LSAMP: variants seen among roughly 807,000 people sequenced by gnomAD.
LSAMP encodes limbic system-associated membrane protein.
Under a neutral mutation model 38.6 loss-of-function variants are expected in LSAMP, and 7 were observed. That is an observed-to-expected ratio of 0.18 (90% CI 0.10 to 0.34). The LOEUF is 0.34. Ranked by LOEUF, LSAMP falls within the 10% of genes least tolerant of loss-of-function variation. LSAMP has a pLI of 1.00. For missense variants in LSAMP, 313 were observed against 420.0 expected, an observed-to-expected ratio of 0.75 and a Z score of 2.23; for synonymous variants, 154 against 166.8, an observed-to-expected ratio of 0.92 and a Z score of 0.59.
At chr3:116,150,017 C>G (rs1463040051) in intron 1 of LSAMP, among the ~76,000 whole-genome samples, 1 of 151,994 alleles carries the variant, frequency 6.6e-6, no homozygotes, top group Non-Finnish European at 1.5e-5. Context: ...CTGCAAATAA[C>G]AAGTTCAATT....
At position 115,816,485 on chromosome 3, in the gene LSAMP, G is replaced by A. The variant is rs1934022084; in HGVS notation, c.920-6071C>T. 8.2e-6 allele frequency: 4 copies of A among 487,252 alleles called. No individual in the cohort carries two copies. In the Admixed American group the frequency reaches 1.4e-4, roughly 17 times the overall value. 30.2% of individuals were successfully genotyped at this position (487,252 alleles called of 1,614,324 possible). The stretch of plus-strand genomic sequence containing the variant: ...AAAAGTTCACAATTTGGAAAAAACA[G>A]TGCTAGATGTGTTATGGAAATTGTT... On this transcript the variant is annotated intron_variant, in intron 6 of 6. Coordinates refer to ENST00000490035, the MANE Select transcript of LSAMP (RefSeq NM_002338.5).
At chr3:116,193,773 A>C (rs1204781476) in intron 1 of LSAMP, among the ~76,000 whole-genome samples, 1 of 152,216 alleles carries the variant, frequency 6.6e-6, no homozygotes, top group Non-Finnish European at 1.5e-5. Flanking sequence ...CTATGTAACT[A>C]AATAAAACAT....
chr3:115,856,580 C>T (rs1935515124), intron 3 of LSAMP, among the ~76,000 whole-genome samples: 1 of 151,304 alleles, frequency 6.6e-6, no homozygotes, highest in African/African-American at 2.4e-5. Flanking sequence ...GATCGAGCCA[C>T]TGCACTCCAG....
intron 3 of LSAMP, among the ~76,000 whole-genome samples, chr3:115,949,782 G>GA (rs540641796): frequency 6.2e-4 from 88 of 140,828 alleles, no homozygotes; most frequent in Middle Eastern, 3.6e-3. Flanking sequence ...ACATAACAAA[G>GA]AAAAAAAAAA....
At chr3:116,413,447 A>C (rs546392122) in intron 1 of LSAMP, among the ~76,000 whole-genome samples, 19 of 151,998 alleles carry the variant, frequency 1.3e-4, no homozygotes, top group Non-Finnish European at 2.8e-4. Flanking sequence ...ATAATCCTTA[A>C]AATATTTATA....
chr3:115,888,071 G>A (rs1057149756), intron 3 of LSAMP, among the ~76,000 whole-genome samples: 2 of 151,894 alleles, frequency 1.3e-5, no homozygotes, highest in Non-Finnish European at 2.9e-5. Flanking sequence ...GCATTGATGA[G>A]TAAGGCAAAT....
chr3:116,168,625 C>A (rs1178097244), intron 1 of LSAMP, among the ~76,000 whole-genome samples: 1 of 152,150 alleles, frequency 6.6e-6, no homozygotes, highest in African/African-American at 2.4e-5. Context: ...GATTGGAATA[C>A]CCCTGGCTAT....
At chr3:116,301,916 T>G (rs1031122263) in intron 1 of LSAMP, among the ~76,000 whole-genome samples, 3 of 152,216 alleles carry the variant, frequency 2.0e-5, no homozygotes, top group Non-Finnish European at 4.4e-5. Context: ...TGATTGCAGC[T>G]GTGTGGACGT....
intron 2 of LSAMP, among the ~76,000 whole-genome samples, chr3:116,060,059 G>C (rs371485133): frequency 6.6e-6 from 1 of 152,130 alleles, no homozygotes; most frequent in Non-Finnish European, 1.5e-5. Flanking sequence ...AAAAGGCAAA[G>C]GCTTTCTTTG....
intron 1 of LSAMP, among the ~76,000 whole-genome samples, chr3:116,119,268 T>G (rs1348809191): frequency 6.6e-6 from 1 of 151,908 alleles, no homozygotes; most frequent in African/African-American, 2.4e-5. Context: ...AATTGTATCT[T>G]TCTTCTTCCA....
intron 1 of LSAMP, among the ~76,000 whole-genome samples, chr3:116,137,210 G>C (rs982863709): frequency 2.0e-5 from 3 of 151,458 alleles, no homozygotes; most frequent in Non-Finnish European, 4.4e-5. Flanking sequence ...GTCTGGATTA[G>C]GCCCACCCTA....
intron 1 of LSAMP, among the ~76,000 whole-genome samples, chr3:116,267,311 G>T (rs2046905211): frequency 6.6e-6 from 1 of 152,102 alleles, no homozygotes; most frequent in Admixed American, 6.6e-5. Context: ...CATGCATTTT[G>T]GATCTATTAC....
chr3:116,343,166 T>C (rs2048019805), intron 1 of LSAMP, among the ~76,000 whole-genome samples: 1 of 152,096 alleles, frequency 6.6e-6, no homozygotes, highest in Non-Finnish European at 1.5e-5. Context: ...AAAGAAAATG[T>C]GAAATTTCTG....
At chr3:115,904,226 A>G (rs1307508905) in intron 3 of LSAMP, among the ~76,000 whole-genome samples, 1 of 152,176 alleles carries the variant, frequency 6.6e-6, no homozygotes, top group Non-Finnish European at 1.5e-5. Flanking sequence ...TATTAAACAT[A>G]TTTTAGGAAT....
At chr3:116,111,765 G>T (rs765175166) in intron 1 of LSAMP, among the ~76,000 whole-genome samples, 1 of 152,002 alleles carries the variant, frequency 6.6e-6, no homozygotes, top group African/African-American at 2.4e-5. Flanking sequence ...CACTTATTCC[G>T]TTTTTACTAC....
chr3:116,017,483 T>C (rs1940516003), intron 3 of LSAMP, among the ~76,000 whole-genome samples: 1 of 152,074 alleles, frequency 6.6e-6, no homozygotes, highest in South Asian at 2.1e-4. Flanking sequence ...AAAATAAAAA[T>C]AATGGTAAGA....
intron 3 of LSAMP, among the ~76,000 whole-genome samples, chr3:115,971,179 A>G (rs1939006620): frequency 6.6e-6 from 1 of 152,178 alleles, no homozygotes; most frequent in Non-Finnish European, 1.5e-5. Flanking sequence ...AGGGCTATAA[A>G]ACAGGTTTCT....
At chr3:116,318,938 A>C (rs1188679563) in intron 1 of LSAMP, among the ~76,000 whole-genome samples, 1 of 152,168 alleles carries the variant, frequency 6.6e-6, no homozygotes, top group African/African-American at 2.4e-5. Context: ...GAGAATGAAA[A>C]AAATAAAAGA....
At chr3:115,830,643 TAAAC>T (rs548717518) in intron 6 of LSAMP, among the ~76,000 whole-genome samples, 115 of 152,340 alleles carry the variant, frequency 7.5e-4, no homozygotes, top group African/African-American at 2.3e-3. Flanking sequence ...TTACCATTAT[TAAAC>T]AAAGCAAAAT....
Sources: gnomAD v4.1 joint callset for allele counts (sites outside exome capture counted in the v4.1 genomes callset) on GRCh38, gnomAD v4.1.1 for gene constraint, MANE v1.5 for transcripts, NCBI Gene and HGNC (gene_info 2026-07-23, HGNC 2026-07-21) for gene names.